The following SPATA6 variants were observed in gnomAD, a reference collection of about 807,000 sequenced individuals.
The protein encoded by SPATA6 is spermatogenesis associated 6.
A neutral mutation model predicts 65.3 loss-of-function variants in SPATA6; 56 were observed. The observed-to-expected ratio is 0.86, with a 90% CI of 0.69 to 1.07. The LOEUF is 1.07. Among genes scored for constraint, SPATA6 ranks in the 50% least tolerant of loss-of-function variants. SPATA6 has a pLI of 0.00. For missense variants in SPATA6, 590 were observed against 594.8 expected (o/e 0.99, Z 0.08); for synonymous variants, 199 against 213.2 (o/e 0.93, Z 0.58).
At chr1:48,313,850 A>T (rs1645309660) in intron 11 of SPATA6, among the ~76,000 whole-genome samples, 1 of 152,202 alleles carries the variant, frequency 6.6e-6, no homozygotes, top group Non-Finnish European at 1.5e-5. Context: ...ATGGAGGAAG[A>T]TCAAGCAAAT....
At chr1:48,365,671 T>C (rs1646980821) in intron 9 of SPATA6, among the ~76,000 whole-genome samples, 1 of 152,182 alleles carries the variant, frequency 6.6e-6, no homozygotes, top group Non-Finnish European at 1.5e-5. Flanking sequence ...TGGAGTTGCT[T>C]AACAGCTCAA....
At chr1:48,343,309 G>A (rs1430697117) in intron 11 of SPATA6, among the ~76,000 whole-genome samples, 3 of 151,996 alleles carry the variant, frequency 2.0e-5, no homozygotes, top group Non-Finnish European at 4.4e-5. Context: ...ACATCAATAT[G>A]TTCAAATCCA....
At chr1:48,313,145 C>T (rs536763653) in intron 11 of SPATA6, among the ~76,000 whole-genome samples, 1 of 152,210 alleles carries the variant, frequency 6.6e-6, no homozygotes, top group East Asian at 1.9e-4. Context: ...GGAGAACTTC[C>T]CCAGTCTAGC....
chr1:48,370,090 T>G (rs1247142868), intron 9 of SPATA6, among the ~76,000 whole-genome samples: 1 of 152,220 alleles, frequency 6.6e-6, no homozygotes, highest in Non-Finnish European at 1.5e-5. Context: ...ATGTTACATT[T>G]ACAAAAACCT....
intron 11 of SPATA6, among the ~76,000 whole-genome samples, chr1:48,313,013 T>C (rs1645271525): frequency 6.6e-6 from 1 of 151,978 alleles, no homozygotes; most frequent in Non-Finnish European, 1.5e-5. Context: ...AAAAAGAAAC[T>C]AACAAAGCCT....
At chr1:48,338,889 G>A (rs74836979) in intron 11 of SPATA6, among the ~76,000 whole-genome samples, 5,431 of 151,998 alleles carry the variant, frequency 0.036, 312 homozygotes, top group African/African-American at 0.12. Flanking sequence ...GAAAAGAACC[G>A]ATGAGTTGAC....
chr1:48,277,262 G>A, the SPATA6 span, among the ~76,000 whole-genome samples: 1 of 152,102 alleles, frequency 6.6e-6, no homozygotes, highest in African/African-American at 2.4e-5. Context: ...GCAGAAGATG[G>A]GTGATTTCTG....
intron 8 of SPATA6, among the ~76,000 whole-genome samples, chr1:48,394,407 T>A (rs1228365222): frequency 6.6e-6 from 1 of 152,112 alleles, no homozygotes; most frequent in Admixed American, 6.6e-5. Flanking sequence ...TCCATGTCCA[T>A]AAACTTCTTC....
rs1254715122 is a variant in SPATA6 at position 48,298,634 on chromosome 1, G to A, written c.*79C>T. On this transcript the variant is annotated 3_prime_UTR_variant, in exon 13 of 13. Coordinates refer to ENST00000371847, the MANE Select transcript of SPATA6 (RefSeq NM_019073.4). ...TATAATCCCATTTTTTTTAAAAAAA[G>A]GAATACAGATATTGATCACATCAAA... The A allele has an allele frequency of 3.5e-5, 48 of 1,361,748 alleles. No homozygotes were observed. Among genetic ancestry groups the A allele is most frequent in the Admixed American group, 1.2e-4 (5 of 42,314 alleles). 84.4% of individuals were successfully genotyped at this position (1,361,748 alleles called of 1,614,324 possible).
chr1:48,415,274 G>A (rs1340642739), intron 3 of SPATA6, among the ~76,000 whole-genome samples: 1 of 152,222 alleles, frequency 6.6e-6, no homozygotes, highest in Non-Finnish European at 1.5e-5. Flanking sequence ...GCTCACGCAA[G>A]TAGTTTTTGG....
In SPATA6 at chr1:48,359,624, A is replaced by G. The variant is rs1646751578; in HGVS notation, c.1056T>C (p.Ser352=). 6.2e-7 allele frequency: 1 copy of G among 1,613,552 alleles called. No individual in the cohort carries two copies. Among genetic ancestry groups the G allele is most frequent in the African/African-American group, 1.3e-5 (1 of 74,866 alleles). Residue 352 remains serine, a synonymous_variant, in exon 10 of 13, where the codon TCT becomes TCC. Coordinates refer to ENST00000371847, the MANE Select transcript of SPATA6 (RefSeq NM_019073.4). ...HSAPSTMPKH[S]PSPVLNRASL... Reference sequence around the variant, plus strand: ...AAGCTCTATTTAACACAGGGCTTGGAGAATGCTTTGGCATTGTTGAGGGTG... The same window carrying G: ...AAGCTCTATTTAACACAGGGCTTGGGGAATGCTTTGGCATTGTTGAGGGTG...
At chr1:48,312,087 C>T (rs550037393) in intron 11 of SPATA6, among the ~76,000 whole-genome samples, 2 of 152,234 alleles carry the variant, frequency 1.3e-5, no homozygotes, top group South Asian at 4.2e-4. Context: ...CTCGGTGGAG[C>T]CCACCACAGC....
At chr1:48,293,601 A>G (rs369347750), downstream of SPATA6, among the ~76,000 whole-genome samples, 26 of 152,328 alleles carry the variant, frequency 1.7e-4, 2 homozygotes, top group South Asian at 5.0e-3. Context: ...TAATGAGAGT[A>G]ATGCTAAGTT....
the SPATA6 span, among the ~76,000 whole-genome samples, chr1:48,284,949 C>T: frequency 0.02 from 3,121 of 152,254 alleles, 125 homozygotes; most frequent in East Asian, 0.2. Flanking sequence ...TAGCAGAGCT[C>T]GAGCGCTGTG....
intron 8 of SPATA6, among the ~76,000 whole-genome samples, chr1:48,389,618 A>G (rs959515353): frequency 9.9e-5 from 15 of 152,196 alleles, no homozygotes; most frequent in Non-Finnish European, 1.2e-4. Context: ...ATGGGATGAT[A>G]AATTCAAAAT....
chr1:48,271,372 T>C, the SPATA6 span, among the ~76,000 whole-genome samples: 1 of 152,150 alleles, frequency 6.6e-6, no homozygotes, highest in South Asian at 2.1e-4. Context: ...TATGGAAACA[T>C]TAACTCTGAA....
intron 9 of SPATA6, among the ~76,000 whole-genome samples, chr1:48,363,324 A>G (rs1646876251): frequency 6.6e-6 from 1 of 152,176 alleles, no homozygotes; most frequent in Admixed American, 6.5e-5. Context: ...TTATCTCTTT[A>G]GCTCATCACA....
chr1:48,469,670 T>C (rs1000158053), intron 1 of SPATA6, among the ~76,000 whole-genome samples: 15 of 151,844 alleles, frequency 9.9e-5, no homozygotes, highest in Admixed American at 2.0e-4. Flanking sequence ...AAAAAGGAAA[T>C]AGACAAGAAA....
chr1:48,356,943 T>G (rs2148811114), intron 10 of SPATA6, among the ~76,000 whole-genome samples: 1 of 152,316 alleles, frequency 6.6e-6, no homozygotes. Flanking sequence ...TAAAAGCAAG[T>G]TCTATTGCAT....
Sources: allele counts gnomAD v4.1 joint callset (sites outside exome capture counted in the v4.1 genomes callset), GRCh38; gene constraint gnomAD v4.1.1; transcripts MANE v1.5; gene names NCBI Gene and HGNC (gene_info 2026-07-23, HGNC 2026-07-21).